STK32B: variants seen among roughly 807,000 people sequenced by gnomAD.
STK32B encodes the protein serine/threonine-protein kinase 32B.
STK32B carries 43 observed loss-of-function variants against 52.6 expected under a neutral mutation model. That is an observed-to-expected ratio of 0.82 (90% CI 0.64 to 1.05). The LOEUF (loss-of-function observed/expected upper bound fraction) is 1.05. Among genes scored for constraint, STK32B ranks in the 50% least tolerant of loss-of-function variants. The probability of loss-of-function intolerance (pLI) is 0.00; values close to 1 mark genes in which losing one functional copy is unlikely to be tolerated. For synonymous variants in STK32B, 238 were observed against 204.3 expected, an observed-to-expected ratio of 1.17 and a Z score of -1.41; for missense variants, 621 against 534.6, an observed-to-expected ratio of 1.16 and a Z score of -1.59.
At chr4:5,231,228 GTCT>G (rs1320566310) in intron 3 of STK32B, among the ~76,000 whole-genome samples, 1 of 152,176 alleles carries the variant, frequency 6.6e-6, no homozygotes, top group African/African-American at 2.4e-5. Flanking sequence ...GATCGTACAT[GTCT>G]TCTTCTATGC....
At chr4:5,346,986 T>G (rs1733510221) in intron 4 of STK32B, among the ~76,000 whole-genome samples, 1 of 152,156 alleles carries the variant, frequency 6.6e-6, no homozygotes, top group African/African-American at 2.4e-5. Flanking sequence ...TCAGATCCTG[T>G]GAGAACCCAC....
At chr4:5,431,187 G>C (rs1251542462) in intron 6 of STK32B, among the ~76,000 whole-genome samples, 1 of 152,246 alleles carries the variant, frequency 6.6e-6, no homozygotes, top group Non-Finnish European at 1.5e-5. Context: ...AAGAAAACTA[G>C]TGTGACCTGA....
chr4:5,074,188 A>ATGTG (rs34284353), intron 1 of STK32B, among the ~76,000 whole-genome samples: 1,643 of 148,890 alleles, frequency 0.011, 17 homozygotes, highest in Admixed American at 0.013. Flanking sequence ...AAATATATAT[A>ATGTG]TGTGTGTGTG....
At chr4:5,415,636 A>G (rs556879097) in intron 5 of STK32B, among the ~76,000 whole-genome samples, 1 of 152,354 alleles carries the variant, frequency 6.6e-6, no homozygotes, top group African/African-American at 2.4e-5. Context: ...CAAGTATCTG[A>G]AGAGTATTAT....
At chr4:5,491,714 C>G (rs1467374309) in intron 11 of STK32B, among the ~76,000 whole-genome samples, 1 of 151,964 alleles carries the variant, frequency 6.6e-6, no homozygotes, top group Non-Finnish European at 1.5e-5. Flanking sequence ...GGTTTTAGGT[C>G]TAACATTTAA....
chr4:5,130,213 A>G (rs1211869275), intron 1 of STK32B, among the ~76,000 whole-genome samples: 1 of 151,566 alleles, frequency 6.6e-6, no homozygotes, highest in East Asian at 1.9e-4. Context: ...GCACTGGGGC[A>G]CCATGACCAG....
intron 3 of STK32B, among the ~76,000 whole-genome samples, chr4:5,199,986 G>A (rs753895117): frequency 6.6e-6 from 1 of 152,146 alleles, no homozygotes; most frequent in African/African-American, 2.4e-5. Context: ...GAAGCTCAGG[G>A]CTAAACCACT....
chr4:5,477,688 G>A (rs2109190076), intron 11 of STK32B, among the ~76,000 whole-genome samples: 1 of 152,286 alleles, frequency 6.6e-6, no homozygotes, highest in South Asian at 2.1e-4. Flanking sequence ...ACAGAGGGAA[G>A]AGCCCTCTGG....
chr4:5,159,683 A>G (rs1238978742), intron 2 of STK32B, among the ~76,000 whole-genome samples: 4 of 70,676 alleles, frequency 5.7e-5, no homozygotes, highest in Non-Finnish European at 1.2e-4. Flanking sequence ...GAATATATAT[A>G]TGAATATATA....
chr4:5,461,306 G>A (rs1304153323), intron 9 of STK32B, among the ~76,000 whole-genome samples: 15 of 152,148 alleles, frequency 9.9e-5, no homozygotes, highest in Admixed American at 9.2e-4. Context: ...GAATGGAGGT[G>A]GAGACTCCAG....
intron 11 of STK32B, among the ~76,000 whole-genome samples, chr4:5,498,072 G>C (rs549806069): frequency 6.6e-6 from 1 of 152,136 alleles, no homozygotes; most frequent in Non-Finnish European, 1.5e-5. Flanking sequence ...AGAAAGCTGA[G>C]GCTAAAAAGA....
At chr4:5,314,582 A>C (rs1730535896) in intron 3 of STK32B, among the ~76,000 whole-genome samples, 1 of 152,212 alleles carries the variant, frequency 6.6e-6, no homozygotes, top group East Asian at 1.9e-4. Flanking sequence ...AGGCAGGAGA[A>C]TCACTTGAAC....
At chr4:5,072,325 C>T (rs753683281) in intron 1 of STK32B, among the ~76,000 whole-genome samples, 1 of 152,138 alleles carries the variant, frequency 6.6e-6, no homozygotes, top group Non-Finnish European at 1.5e-5. Context: ...AATTGCACTC[C>T]TGCTTCTCTT....
At chr4:5,042,259 T>G in the STK32B span, among the ~76,000 whole-genome samples, 1 of 152,340 alleles carries the variant, frequency 6.6e-6, no homozygotes, top group Non-Finnish European at 1.5e-5. Flanking sequence ...TTCTAAACCA[T>G]AATTTCCATG....
At chr4:5,162,337 C>A (rs947729780) in intron 2 of STK32B, among the ~76,000 whole-genome samples, 1 of 152,182 alleles carries the variant, frequency 6.6e-6, no homozygotes, top group African/African-American at 2.4e-5. Context: ...TAAAAAAATA[C>A]AAAATCCCAG....
At chr4:5,114,444 C>T (rs1182137136) in intron 1 of STK32B, among the ~76,000 whole-genome samples, 2 of 151,968 alleles carry the variant, frequency 1.3e-5, no homozygotes, top group Non-Finnish European at 2.9e-5. Context: ...GTCCTGTTTT[C>T]TATCACGCTC....
chr4:5,261,131 G>T (rs1726684236), intron 3 of STK32B, among the ~76,000 whole-genome samples: 1 of 152,132 alleles, frequency 6.6e-6, no homozygotes, highest in African/African-American at 2.4e-5. Context: ...GGGCGAGCCT[G>T]CAGTCCTATA....
chr4:5,247,924 C>T (rs10023959), intron 3 of STK32B, among the ~76,000 whole-genome samples: 11,005 of 152,182 alleles, frequency 0.072, 577 homozygotes, highest in African/African-American at 0.15. Context: ...GGCCTTGGCT[C>T]ATCTCCTTGG....
chr4:5,212,197 G>A (rs1722947859), intron 3 of STK32B, among the ~76,000 whole-genome samples: 1 of 152,154 alleles, frequency 6.6e-6, no homozygotes, highest in Admixed American at 6.6e-5. Context: ...TTCACAATTA[G>A]TAAGCAAGTA....
Sources: allele counts gnomAD v4.1 joint callset (sites outside exome capture counted in the v4.1 genomes callset), GRCh38; gene constraint gnomAD v4.1.1; transcripts MANE v1.5; gene names NCBI Gene and HGNC (gene_info 2026-07-23, HGNC 2026-07-21).